Variants in CMYA5 observed in about 807,000 individuals in gnomAD.
CMYA5 encodes cardiomyopathy-associated protein 5.
A neutral mutation model predicts 318.9 loss-of-function variants in CMYA5; 246 were observed. The observed-to-expected ratio is 0.77, with a 90% confidence interval of 0.70 to 0.86. The LOEUF (loss-of-function observed/expected upper bound fraction) is 0.86, where lower values mean the gene tolerates loss of function less well. Among genes scored for constraint, CMYA5 ranks in the 40% least tolerant of loss-of-function variants. The pLI, the probability that CMYA5 is intolerant of heterozygous loss-of-function variation, is 0.00. For synonymous variants in CMYA5, 1,641 were observed against 1,729.5 expected (o/e 0.95, Z 1.27); for missense variants, 4,589 against 4,678.2 (o/e 0.98, Z 0.56).
rs575099509 is a variant in CMYA5 at position 79,726,827 on chromosome 5, C to G, written c.150-2088C>G. Among the ~76,000 whole-genome samples the G allele has an allele frequency of 3.0e-3, 455 of 151,806 alleles. 1 individual carries two copies. Among genetic ancestry groups the G allele is most frequent in the African/African-American group, 0.011 (440 of 41,326 alleles). On this transcript the variant is annotated intron_variant, in intron 1 of 12. Coordinates refer to ENST00000446378, the MANE Select transcript of CMYA5 (RefSeq NM_153610.5). ...CTTATGGTCCTGGTCCCCACCCAAC[C>G]TAACAAACCAGGAAGGGTTTGCAGT...
At position 79,691,701 on chromosome 5, in the gene CMYA5, G is replaced by A. The variant is rs552074560; in HGVS notation, c.149+1645G>A. ...AGGAAAAACACGTATCGACGAAAAA[G>A]CATCAAACTCTGTAAAATATCTGAA... On this transcript the variant is annotated intron_variant, in intron 1 of 12. Coordinates refer to ENST00000446378, the MANE Select transcript of CMYA5 (RefSeq NM_153610.5). Among the ~76,000 whole-genome samples the A allele has an allele frequency of 4.8e-4, 73 of 152,332 alleles. 1 individual carries two copies. The highest frequency in any genetic ancestry group is 1.6e-3 in the African/African-American group (68 of 41,578).
At chr5:79,713,857 C>T (rs543993427) in intron 1 of CMYA5, among the ~76,000 whole-genome samples, 1 of 152,286 alleles carries the variant, frequency 6.6e-6, no homozygotes, top group African/African-American at 2.4e-5. Flanking sequence ...AAAGAAGATA[C>T]TCACTACTTC....
At chr5:79,709,960 C>CAAAAAAAAAAAAA (rs61657639) in intron 1 of CMYA5, among the ~76,000 whole-genome samples, 43 of 24,320 alleles carry the variant, frequency 1.8e-3, no homozygotes, top group Non-Finnish European at 2.1e-3. Flanking sequence ...GACTCCATCT[C>CAAAAAAAAAAAAA]AAAAAAAAAA....
intron 1 of CMYA5, among the ~76,000 whole-genome samples, chr5:79,710,635 TC>T (rs1827371202): frequency 1.3e-5 from 2 of 152,168 alleles, no homozygotes; most frequent in South Asian, 4.1e-4. Flanking sequence ...GTTTTAATTT[TC>T]TTTTTTTGTG....
chr5:79,750,524 T>G (rs1385737294), intron 5 of CMYA5, among the ~76,000 whole-genome samples: 1 of 138,534 alleles, frequency 7.2e-6, no homozygotes, highest in Admixed American at 7.2e-5. Context: ...CAAGAGTCAG[T>G]TGTGGTTTAT....
At position 79,739,166 on chromosome 5, in the gene CMYA5, G is replaced by C. The variant is rs763267019; in HGVS notation, c.10401G>C (p.Ala3467=). 13 of 1,613,400 alleles carry C rather than the reference G, an allele frequency of 8.1e-6. No individual in the cohort carries two copies. Among genetic ancestry groups the C allele is most frequent in the Admixed American group, 6.7e-5 (4 of 59,904 alleles). Residue 3467 remains alanine, a synonymous_variant, in exon 2 of 13, where the codon GCG becomes GCC. Coordinates refer to ENST00000446378, the MANE Select transcript of CMYA5 (RefSeq NM_153610.5). ...AGCACATCAGTGAAAATGAATTTGC[G>C]AGTGAGGCAGAACAAAGTACACCTG... ...SFEHISENEF[A]SEAEQSTPAE... is the part of the protein sequence containing the mutation.
At position 79,736,887 on chromosome 5, in the gene CMYA5, C is replaced by T. The variant is rs774991048; in HGVS notation, c.8122C>T (p.Arg2708Cys). The change falls in exon 2 of 13, where the codon CGT (arginine) becomes TGT (cysteine). Residue 2708 changes from arginine (R) to cysteine (C), a missense_variant. By Grantham distance (180) the Arg-to-Cys change is radical (BLOSUM62 -3). Transcript: ENST00000446378. ...AGAAAAGGCAGTAGGAACCCAACCACGTCCTTTAGAAGAAAGTAAAGTTTT... is the reference window on the plus strand; with the variant it reads ...AGAAAAGGCAGTAGGAACCCAACCATGTCCTTTAGAAGAAAGTAAAGTTTT... ...FQEKAVGTQPRPLEESKVLVE... is the reference protein window; with the variant it reads ...FQEKAVGTQPCPLEESKVLVE... 8.1e-6 allele frequency: 13 copies of T among 1,612,946 alleles called. No individual in the cohort carries two copies. Among genetic ancestry groups the T allele is most frequent in the South Asian group, 3.3e-5 (3 of 91,054 alleles).
In CMYA5 at chr5:79,735,313, C is replaced by G; in HGVS notation, c.6548C>G (p.Ser2183Cys). 1.2e-6 allele frequency: 2 copies of G among 1,613,812 alleles called. No homozygotes were observed. Among genetic ancestry groups the G allele is most frequent in the Non-Finnish European group, 1.7e-6 (2 of 1,179,832 alleles). Residue 2183 changes from serine (S) to cysteine (C), a missense_variant, in exon 2 of 13, where the codon TCC becomes TGC. By Grantham distance (112) the Ser-to-Cys change is moderately radical. Around this residue, in one of 3 missense-constraint regions of CMYA5, gnomAD observed 2,431 missense variants for 2,495.1 expected, o/e 0.97. Coordinates refer to ENST00000446378, the MANE Select transcript of CMYA5 (RefSeq NM_153610.5). Reference sequence around the variant, plus strand: ...ATTTCATCTTTCAAATCGTGGATGTCCAGCTTGTTTTTTGGATCGAGCACT... The same window carrying G: ...ATTTCATCTTTCAAATCGTGGATGTGCAGCTTGTTTTTTGGATCGAGCACT... ...KGISSFKSWMSSLFFGSSTPD... is the reference protein window; with the variant it reads ...KGISSFKSWMCSLFFGSSTPD...
At position 79,734,342 on chromosome 5, in the gene CMYA5, G is replaced by A. The variant is rs1173193073; in HGVS notation, c.5577G>A (p.Glu1859=). ...TTAAGCAGTTTTCACTTATGAGAGAGAATTTGCCTTTGGAACAATCAAAAT... is the reference window on the plus strand; with the variant it reads ...TTAAGCAGTTTTCACTTATGAGAGAAAATTTGCCTTTGGAACAATCAAAAT... ...LGIKQFSLMR[E]NLPLEQSKSF... The change falls in exon 2 of 13, where the codon GAG becomes GAA. Residue 1859 remains glutamate, a synonymous_variant. Transcript: ENST00000446378. 2 of 1,613,762 alleles carry A rather than the reference G, an allele frequency of 1.2e-6. No individual in the cohort carries two copies. The highest frequency in any genetic ancestry group is 8.5e-7 in the Non-Finnish European group (1 of 1,179,822).
At chr5:79,717,538 A>G (rs1827541339) in intron 1 of CMYA5, among the ~76,000 whole-genome samples, 1 of 152,206 alleles carries the variant, frequency 6.6e-6, no homozygotes, top group African/African-American at 2.4e-5. Flanking sequence ...AATAAGAGAT[A>G]AAATATACAA....
chr5:79,728,918 A>G lies in CMYA5; in HGVS notation c.153A>G (p.Leu51=). The change falls in exon 2 of 13, where the codon TTA becomes TTG. Residue 51 remains leucine (L), a synonymous_variant. Transcript: ENST00000446378. ...TTAATATTGTTATTTGCTATAGGTT[A>G]TCAGACCAGGATGAAGAGGGAAAGA... is the stretch of plus-strand genomic sequence containing the variant. ...AESEEEPDSR[L]SDQDEEGKIK... is the part of the protein sequence containing the mutation. 1 of 1,502,996 alleles carries G rather than the reference A, an allele frequency of 6.7e-7. No homozygotes were observed. The highest frequency in any genetic ancestry group is 8.9e-7 in the Non-Finnish European group (1 of 1,121,448). The allele number at this position is 1,502,996 out of a possible 1,614,324, so 93.1% of individuals were successfully genotyped here. A position where few individuals can be genotyped will look rare whatever the true frequency, so the allele number is the denominator to read the frequency against.
Position 79,729,731 on chromosome 5 carries a change from T to C in CMYA5, c.966T>C (p.Asp322=), listed in dbSNP as rs1827833328. The C allele has an allele frequency of 3.1e-6, 5 of 1,613,912 alleles. No homozygotes were observed. The highest frequency in any genetic ancestry group is 4.2e-6 in the Non-Finnish European group (5 of 1,179,864). ...ESLTLMFSHE[D]QKKIYADSPL... ...TAACCTTAATGTTCAGTCATGAAGA[T>C]CAAAAGAAAATTTATGCTGATTCTC... The change falls in exon 2 of 13, where the codon GAT becomes GAC. Residue 322 remains aspartate (D), a synonymous_variant. Coordinates refer to ENST00000446378, the MANE Select transcript of CMYA5 (RefSeq NM_153610.5).
chr5:79,690,268 GC>G (rs1826941286), intron 1 of CMYA5, among the ~76,000 whole-genome samples: 1 of 152,034 alleles, frequency 6.6e-6, no homozygotes, highest in Non-Finnish European at 1.5e-5. Flanking sequence ...CATTACCCCC[GC>G]CCCCAGCTCC....
At chr5:79,717,884 ATTTTTT>A in intron 1 of CMYA5, among the ~76,000 whole-genome samples, 1 of 91,756 alleles carries the variant, frequency 1.1e-5, no homozygotes, top group South Asian at 3.1e-4. Context: ...AACCTAAGCT[ATTTTTT>A]TTTTTTTTTT....
intron 6 of CMYA5, among the ~76,000 whole-genome samples, chr5:79,758,515 G>C (rs1177584737): frequency 1.3e-5 from 2 of 151,946 alleles, no homozygotes; most frequent in African/African-American, 2.4e-5. Flanking sequence ...CTGGGTGACA[G>C]AGTGAGACTC....
chr5:79,717,235 T>C (rs548036530), intron 1 of CMYA5, among the ~76,000 whole-genome samples: 2 of 152,322 alleles, frequency 1.3e-5, no homozygotes, highest in African/African-American at 4.8e-5. Flanking sequence ...TGATGAAATA[T>C]GAGTACAAAA....
chr5:79,736,578 G>T lies in CMYA5; in HGVS notation c.7813G>T (p.Ala2605Ser). The change falls in exon 2 of 13, where the codon GCT becomes TCT. Residue 2605 changes from alanine (A) to serine (S), a missense_variant. Physicochemically the swap from Ala to Ser is moderately conservative, Grantham distance 99. Coordinates refer to ENST00000446378, the MANE Select transcript of CMYA5 (RefSeq NM_153610.5). Reference sequence around the variant, plus strand: ...AAAATCAGAAGCCATGCTCGCAGAGGCTCACCCAGAAATCAGAGAAGCAAA... The same window carrying T: ...AAAATCAGAAGCCATGCTCGCAGAGTCTCACCCAGAAATCAGAGAAGCAAA... ...TEKSEAMLAE[A>S]HPEIREAKAV... 2.5e-6 allele frequency: 4 copies of T among 1,613,726 alleles called. No individual in the cohort carries two copies. The highest frequency in any genetic ancestry group is 3.4e-6 in the Non-Finnish European group (4 of 1,179,770).
At chr5:79,749,711 G>A (rs1197057979) in intron 5 of CMYA5, among the ~76,000 whole-genome samples, 2 of 151,970 alleles carry the variant, frequency 1.3e-5, no homozygotes, top group Non-Finnish European at 2.9e-5. Context: ...AAACACCACC[G>A]TCCATAGCAC....
intron 1 of CMYA5, among the ~76,000 whole-genome samples, chr5:79,694,124 T>C (rs963876285): frequency 6.6e-6 from 1 of 152,094 alleles, no homozygotes; most frequent in East Asian, 1.9e-4. Flanking sequence ...TAAGAGATAG[T>C]TGGGTTGCAG....
Sources: allele counts gnomAD v4.1 joint callset (sites outside exome capture counted in the v4.1 genomes callset), GRCh38; gene constraint gnomAD v4.1.1; regional missense constraint gnomAD v4.1.1; transcripts MANE v1.5; gene names NCBI Gene and HGNC (gene_info 2026-07-23, HGNC 2026-07-21).